Variants in DENND2B observed in about 807,000 individuals in gnomAD.
The protein encoded by DENND2B is DENN domain-containing protein 2B.
DENND2B carries 32 observed loss-of-function variants against 116.0 expected under a neutral mutation model. The observed-to-expected ratio is 0.28, with a 90% CI of 0.21 to 0.37. DENND2B has a LOEUF of 0.37. Among genes scored for constraint, DENND2B ranks in the 10% least tolerant of loss-of-function variants. The pLI is 1.00. For missense variants in DENND2B, 1,276 were observed against 1,477.7 expected, an observed-to-expected ratio of 0.86 and a Z score of 2.24; for synonymous variants, 588 against 583.9, an observed-to-expected ratio of 1.01 and a Z score of -0.10.
chr11:8,861,250 G>A (rs753773836), intron 2 of DENND2B, among the ~76,000 whole-genome samples: 3 of 151,964 alleles, frequency 2.0e-5, no homozygotes, highest in Non-Finnish European at 2.9e-5. Context: ...CAGACAACCC[G>A]CAGAATGGGA....
chr11:8,695,589 T>G (rs1326670068), intron 18 of DENND2B, 40 bp from the exon 19 acceptor site: 3 of 1,590,540 alleles, frequency 1.9e-6, no homozygotes, highest in South Asian at 2.2e-5. Context: ...GAACAGTCAT[T>G]GGAGGAAGGG....
At chr11:8,733,982 C>T (rs1284292728) in intron 2 of DENND2B, among the ~76,000 whole-genome samples, 2 of 152,170 alleles carry the variant, frequency 1.3e-5, no homozygotes, top group African/African-American at 4.8e-5. Context: ...TACCCTTGCC[C>T]CAGCCTCCCC....
chr11:8,785,909 A>T (rs1454317113), intron 1 of DENND2B: 1 of 152,218 alleles, frequency 6.6e-6, no homozygotes, highest in Non-Finnish European at 1.5e-5. Flanking sequence ...CTTGGCTCCA[A>T]TTTCTAGCTG....
At chr11:8,890,282 A>G (rs552110156) in intron 1 of DENND2B, among the ~76,000 whole-genome samples, 1 of 152,322 alleles carries the variant, frequency 6.6e-6, no homozygotes, top group South Asian at 2.1e-4. Context: ...TAAAACCACA[A>G]AGATGGGGAA....
intron 2 of DENND2B, among the ~76,000 whole-genome samples, chr11:8,868,110 G>C (rs753952684): frequency 6.6e-6 from 1 of 152,150 alleles, no homozygotes; most frequent in Admixed American, 6.6e-5. Flanking sequence ...CGTATGCCTG[G>C]TAAGATTCAG....
At chr11:8,736,996 T>C (rs185529553) in intron 2 of DENND2B, among the ~76,000 whole-genome samples, 1 of 152,170 alleles carries the variant, frequency 6.6e-6, no homozygotes, top group African/African-American at 2.4e-5. Context: ...AAACGATTAT[T>C]ATGATGACTC....
chr11:8,817,958 A>G (rs1348200216), intron 4 of DENND2B, among the ~76,000 whole-genome samples: 3 of 151,108 alleles, frequency 2.0e-5, no homozygotes, highest in African/African-American at 2.4e-5. Context: ...GCACCATTTT[A>G]CCCTTCTAAA....
At chr11:8,708,190 G>T (rs2042952902) in intron 11 of DENND2B, 1 of 1,261,580 alleles carries the variant, frequency 7.9e-7, no homozygotes, top group South Asian at 1.6e-5. Flanking sequence ...TGGATTCATA[G>T]CCCTGAGGCT....
intron 18 of DENND2B, 30 bp downstream of exon 18, chr11:8,696,386 GGTGAAAAAATT>G (rs1366302502): frequency 6.2e-7 from 1 of 1,608,286 alleles, no homozygotes; most frequent in Non-Finnish European, 8.5e-7. Context: ...CCCTGCTGTG[GGTGAAAAAATT>G]AGAGAAGAGA....
In DENND2B at chr11:8,754,027, G is replaced by GCA. The variant is rs1555169735; in HGVS notation, c.-25-3303_-25-3302insTG. On this transcript the variant is annotated intron_variant, in intron 1 of 19. Coordinates refer to ENST00000313726, the MANE Select transcript of DENND2B (RefSeq NM_213618.2). ...GTTTCTTAGATATAACACCAAAAGC[G>GCA]CGCACACACACACACACACACACAC... Among the ~76,000 whole-genome samples, 37 of 11,584 alleles carry GCA rather than the reference G, an allele frequency of 3.2e-3. No individual in the cohort carries two copies. The South Asian group carries it at 0.038, about 12-fold the overall frequency. 7.6% of individuals were successfully genotyped at this position (11,584 alleles called of 152,430 possible).
chr11:8,903,889 C>CAAAAAAAAA (rs61317026), intron 1 of DENND2B, among the ~76,000 whole-genome samples: 1 of 75,374 alleles, frequency 1.3e-5, no homozygotes, highest in Non-Finnish European at 2.5e-5. Flanking sequence ...GACCTTGTCT[C>CAAAAAAAAA]AAAAAAAAAA....
In DENND2B at chr11:8,731,187, G is replaced by A; in HGVS notation, c.103C>T (p.Pro35Ser). Residue 35 changes from proline to serine, a missense_variant, in exon 3 of 20, where the codon CCA becomes TCA. Transcript: ENST00000313726. ...LSRSQSVSPP[P>S]VLSPPRSPIY... ...GGACTCCTTGGTGGGGAGAGAACTG[G>A]AGGTGGAGAGACTGACTGAGACCTG... 1.3e-6 allele frequency: 2 copies of A among 1,514,562 alleles called. No homozygotes were observed. Among genetic ancestry groups the A allele is most frequent in the Non-Finnish European group, 1.8e-6 (2 of 1,132,234 alleles). 93.8% of individuals were successfully genotyped at this position (1,514,562 alleles called of 1,614,324 possible). A position where few individuals can be genotyped will look rare whatever the true frequency, so the allele number is the denominator to read the frequency against.
chr11:8,754,029 G>GCACGCACACACA (rs1555169803), intron 1 of DENND2B, among the ~76,000 whole-genome samples: 1 of 138,734 alleles, frequency 7.2e-6, no homozygotes, highest in Admixed American at 7.3e-5. Context: ...CCAAAAGCGC[G>GCACGCACACACA]CACACACACA....
At chr11:8,867,974 C>G (rs1365300456) in intron 2 of DENND2B, among the ~76,000 whole-genome samples, 2 of 151,964 alleles carry the variant, frequency 1.3e-5, no homozygotes, top group Non-Finnish European at 2.9e-5. Flanking sequence ...AGCTTTTAAA[C>G]AAATTACAAC....
intron 3 of DENND2B, among the ~76,000 whole-genome samples, chr11:8,845,005 G>A (rs1175214116): frequency 1.1e-4 from 16 of 152,220 alleles, no homozygotes. Flanking sequence ...GCTTTCCAAA[G>A]TGTTCAGATT....
At position 8,718,285 on chromosome 11, in the gene DENND2B, C is replaced by G. The variant is rs537319582; in HGVS notation, c.1478-393G>C. 5 of 1,319,452 alleles carry G rather than the reference C, an allele frequency of 3.8e-6. No homozygotes were observed. The Admixed American group carries it at 9.9e-5, about 26-fold the overall frequency. 81.7% of individuals were successfully genotyped at this position (1,319,452 alleles called of 1,614,324 possible). A position where few individuals can be genotyped will look rare whatever the true frequency, so the allele number is the denominator to read the frequency against. On this transcript the variant is annotated intron_variant, in intron 4 of 19. Transcript: ENST00000313726. The stretch of plus-strand genomic sequence containing the variant: ...CAAACACCCCAGAGATAACACAGTT[C>G]AAGGTAGGAAGGGTTTTCAGGTCAC...
intron 1 of DENND2B, among the ~76,000 whole-genome samples, chr11:8,784,920 T>C (rs1452325539): frequency 6.6e-6 from 1 of 152,134 alleles, no homozygotes; most frequent in Non-Finnish European, 1.5e-5. Context: ...ATCTTGTGTT[T>C]AGGCAAATAC....
Position 8,707,437 on chromosome 11 carries a change from C to A in DENND2B, c.2431-212G>T, listed in dbSNP as rs1003928222. 1.8e-4 allele frequency among the ~76,000 whole-genome samples: 27 copies of A among 152,246 alleles called. No individual in the cohort carries two copies. Among genetic ancestry groups the A allele is most frequent in the African/African-American group, 6.3e-4 (26 of 41,464 alleles). On this transcript the variant is annotated intron_variant, in intron 12 of 19. Coordinates refer to ENST00000313726, the MANE Select transcript of DENND2B (RefSeq NM_213618.2). This position sits in a 1 kb window ranked among gnomAD's most constrained non-coding sequence, Gnocchi z 4.8. ...GTTCCCTAACTGGCCTTGCTTCAGT[C>A]CCCAAGAGCGGAGTAGCTGGGCAAA...
chr11:8,827,699 A>C (rs1004678609), intron 4 of DENND2B, among the ~76,000 whole-genome samples: 2 of 152,072 alleles, frequency 1.3e-5, no homozygotes, highest in African/African-American at 4.8e-5. Context: ...TGGGGGCTTG[A>C]AGTGTTTTTT....
Sources: allele counts gnomAD v4.1 joint callset (sites outside exome capture counted in the v4.1 genomes callset), GRCh38; gene constraint gnomAD v4.1.1; non-coding constraint Gnocchi (gnomAD v3.1); transcripts MANE v1.5; gene names NCBI Gene and HGNC (gene_info 2026-07-23, HGNC 2026-07-21).